KIF13A: variants seen among roughly 807,000 people sequenced by gnomAD.
KIF13A encodes kinesin family member 13A.
In KIF13A, 79 loss-of-function variants were observed where a neutral mutation model predicts 212.2. That is an observed-to-expected ratio of 0.37 (90% confidence interval 0.31 to 0.45). The LOEUF is 0.45. Ranked by LOEUF, KIF13A falls within the 20% of genes least tolerant of loss-of-function variation. The probability of loss-of-function intolerance (pLI) is 1.00; values close to 1 mark genes in which losing one functional copy is unlikely to be tolerated. For missense variants in KIF13A, 1,901 were observed against 2,209.0 expected (o/e 0.86, Z 2.79); for synonymous variants, 789 against 808.6 (o/e 0.98, Z 0.41).
At chr6:17,881,047 G>T (rs1562090906) in intron 3 of KIF13A, among the ~76,000 whole-genome samples, 1 of 152,200 alleles carries the variant, frequency 6.6e-6, no homozygotes, top group Non-Finnish European at 1.5e-5. Context: ...GGAAAAAACA[G>T]CCAAAAGCAT....
chr6:17,959,936 C>T (rs966864200), intron 2 of KIF13A, among the ~76,000 whole-genome samples: 1 of 151,762 alleles, frequency 6.6e-6, no homozygotes, highest in African/African-American at 2.4e-5. Context: ...GCAGGAGAAT[C>T]GCTTGAACCC....
chr6:17,801,341 T>A (rs1162234539), intron 20 of KIF13A, among the ~76,000 whole-genome samples: 2 of 150,960 alleles, frequency 1.3e-5, no homozygotes, highest in Admixed American at 1.3e-4. Context: ...AAAATACAAA[T>A]AATTAAAAAA....
intron 4 of KIF13A, among the ~76,000 whole-genome samples, chr6:17,858,123 A>ATGTG (rs148382700): frequency 9.4e-5 from 13 of 137,968 alleles, no homozygotes; most frequent in East Asian, 2.4e-4. Flanking sequence ...GCATGCACGC[A>ATGTG]TGTGTGTGTG....
Position 17,843,683 on chromosome 6 carries a change from T to G in KIF13A, c.830+5694A>C, listed in dbSNP as rs754674054. Among the ~76,000 whole-genome samples the G allele has an allele frequency of 2.5e-4, 38 of 152,120 alleles. No individual in the cohort carries two copies. The highest frequency in any genetic ancestry group is 4.6e-4 in the Non-Finnish European group (31 of 68,022). On this transcript the variant is annotated intron_variant, in intron 9 of 38. Transcript: ENST00000259711. This position sits in a 1 kb window ranked among gnomAD's most constrained non-coding sequence, Gnocchi z 5.3. Reference sequence around the variant, plus strand: ...TGGACTTCCTGTTAAATGAGAAAAATTAACTCACGTCATTGTCAGTGTAGC... The same window carrying G: ...TGGACTTCCTGTTAAATGAGAAAAAGTAACTCACGTCATTGTCAGTGTAGC...
Position 17,951,155 on chromosome 6 carries a change from T to C in KIF13A, c.146+35899A>G, listed in dbSNP as rs1581828545. 4.1e-6 allele frequency: 5 copies of C among 1,234,160 alleles called. No individual in the cohort carries two copies. The highest frequency in any genetic ancestry group is 1.6e-5 in the African/African-American group (1 of 64,328). The allele number at this position is 1,234,160 out of a possible 1,614,324, so 76.5% of individuals were successfully genotyped here. ...TGATGCAATTCACCTCACGCCACTT[T>C]AATTTTTTATTTTTTTGAAGACAGG... On this transcript the variant is annotated intron_variant, in intron 2 of 38. Transcript: ENST00000259711. The surrounding 1 kb of genome is among the most constrained non-coding windows in gnomAD (Gnocchi z 4.9).
At chr6:17,763,403 G>T (rs537484492), downstream of KIF13A, among the ~76,000 whole-genome samples, 1 of 149,782 alleles carries the variant, frequency 6.7e-6, no homozygotes, top group Non-Finnish European at 1.5e-5. Flanking sequence ...CAGGGAGGTG[G>T]AGGCTGCAAT....
chr6:17,856,943 T>C lies in KIF13A; in HGVS notation c.221-821A>G, dbSNP rs118152743. Reference sequence around the variant, plus strand: ...AGAAACTACTAGTTTAAGTACCTGTTTCCTCCACTGGCATGAGAGCTCCCT... The same window carrying C: ...AGAAACTACTAGTTTAAGTACCTGTCTCCTCCACTGGCATGAGAGCTCCCT... On this transcript the variant is annotated intron_variant, in intron 4 of 38. Coordinates refer to ENST00000259711, the MANE Select transcript of KIF13A (RefSeq NM_022113.6). This position sits in a 1 kb window ranked among gnomAD's most constrained non-coding sequence, Gnocchi z 4.5. Among the ~76,000 whole-genome samples, 95 of 152,292 alleles carry C rather than the reference T, an allele frequency of 6.2e-4. No individual in the cohort carries two copies. In the East Asian group the frequency reaches 0.018, roughly 29 times the overall value.
chr6:17,890,293 G>A (rs976997410), intron 3 of KIF13A, among the ~76,000 whole-genome samples: 5 of 152,038 alleles, frequency 3.3e-5, no homozygotes, highest in African/African-American at 1.2e-4. Context: ...AAAAAAAGGA[G>A]GAAGAATTCT....
chr6:17,796,849 T>C, intron 22 of KIF13A, 29 bp from the exon 23 acceptor site: 3 of 1,441,456 alleles, frequency 2.1e-6, no homozygotes, highest in Non-Finnish European at 2.8e-6. Flanking sequence ...AGCAAAAGAA[T>C]TATGCTTAAA....
At chr6:17,862,456 A>G (rs1356979505) in intron 4 of KIF13A, among the ~76,000 whole-genome samples, 2 of 152,188 alleles carry the variant, frequency 1.3e-5, no homozygotes, top group African/African-American at 4.8e-5. Flanking sequence ...TTTTTCCTTC[A>G]GATGGCTCCT....
intron 2 of KIF13A, among the ~76,000 whole-genome samples, chr6:17,965,898 G>C (rs563945351): frequency 1.3e-5 from 2 of 152,136 alleles, no homozygotes; most frequent in African/African-American, 4.8e-5. Flanking sequence ...AAATGGGGCC[G>C]GGCGTGGTGG....
rs1243324986 is a variant in KIF13A, at chr6:17,976,124, G to A, written c.146+10930C>T. Reference sequence around the variant, plus strand: ...CCTCACTAGACTCAGGAGCCCAGCTGGCTTCACCCAGTGGATCCCGCACCG... The same window carrying A: ...CCTCACTAGACTCAGGAGCCCAGCTAGCTTCACCCAGTGGATCCCGCACCG... On this transcript the variant is annotated intron_variant, in intron 2 of 38. Transcript: ENST00000259711. Among the ~76,000 whole-genome samples the A allele has an allele frequency of 5.9e-5, 9 of 152,242 alleles. No homozygotes were observed. In the East Asian group the frequency reaches 9.6e-4, roughly 16 times the overall value.
At position 17,984,523 on chromosome 6, in the gene KIF13A, T is replaced by C; in HGVS notation, c.146+2531A>G. 3 of 985,058 alleles carry C rather than the reference T, an allele frequency of 3.0e-6. No homozygotes were observed. Among genetic ancestry groups the C allele is most frequent in the Middle Eastern group, 5.3e-4 (1 of 1,902 alleles). 61.0% of individuals were successfully genotyped at this position (985,058 alleles called of 1,614,324 possible). A position where few individuals can be genotyped will look rare whatever the true frequency, so the allele number is the denominator to read the frequency against. Reference sequence around the variant, plus strand: ...CAGAGATCCTCTGATCTTTTAGTCCTAGCTACACAGTCTTGGCTTTGGTTT... The same window carrying C: ...CAGAGATCCTCTGATCTTTTAGTCCCAGCTACACAGTCTTGGCTTTGGTTT... On this transcript the variant is annotated intron_variant, in intron 2 of 38. Coordinates refer to ENST00000259711, the MANE Select transcript of KIF13A (RefSeq NM_022113.6). The surrounding 1 kb of genome is among the most constrained non-coding windows in gnomAD (Gnocchi z 5.0).
chr6:17,846,855 C>T (rs560296256), intron 9 of KIF13A, among the ~76,000 whole-genome samples: 130 of 152,284 alleles, frequency 8.5e-4, no homozygotes, highest in Non-Finnish European at 1.2e-3. Flanking sequence ...GAATGCACAG[C>T]CATCCCCACA....
intron 2 of KIF13A, 104 bp downstream of exon 2, chr6:17,986,950 C>G: frequency 1.3e-6 from 1 of 774,202 alleles, no homozygotes; most frequent in South Asian, 1.6e-5. Context: ...AACTTGAAGC[C>G]GTCCTCCTAA....
At position 17,963,451 on chromosome 6, in the gene KIF13A, T is replaced by C. The variant is rs1024251288; in HGVS notation, c.146+23603A>G. ...ATAAATAAATAAAAATAGAAGAGCATCATGTGAAGTAACATGGATAGATAA... is the reference window on the plus strand; with the variant it reads ...ATAAATAAATAAAAATAGAAGAGCACCATGTGAAGTAACATGGATAGATAA... On this transcript the variant is annotated intron_variant, in intron 2 of 38. Transcript: ENST00000259711. The surrounding 1 kb of genome is among the most constrained non-coding windows in gnomAD (Gnocchi z 4.1). Among the ~76,000 whole-genome samples the C allele has an allele frequency of 4.6e-5, 7 of 152,094 alleles. No homozygotes were observed. The highest frequency in any genetic ancestry group is 1.7e-4 in the African/African-American group (7 of 41,420).
rs1761132764 is a variant in KIF13A, at chr6:17,787,253, A to C, written c.3361+523T>G. 6.6e-6 allele frequency among the ~76,000 whole-genome samples: 1 copy of C among 152,214 alleles called. No individual in the cohort carries two copies. Among genetic ancestry groups the C allele is most frequent in the African/African-American group, 2.4e-5 (1 of 41,468 alleles). ...TGACATTTAATGTCACAGTTTTATG[A>C]GATAATTCTGAGTTTTATGAAAACT... On this transcript the variant is annotated intron_variant, in intron 27 of 38. Transcript: ENST00000259711. This position sits in a 1 kb window ranked among gnomAD's most constrained non-coding sequence, Gnocchi z 4.6.
chr6:17,956,889 ATT>A (rs56165328), intron 2 of KIF13A, among the ~76,000 whole-genome samples: 1 of 149,400 alleles, frequency 6.7e-6, no homozygotes, highest in African/African-American at 2.5e-5. Flanking sequence ...GTTCAATCAC[ATT>A]TTTTTTTTTA....
intron 16 of KIF13A, among the ~76,000 whole-genome samples, chr6:17,822,196 T>G (rs561675073): frequency 1.3e-5 from 2 of 152,138 alleles, no homozygotes; most frequent in African/African-American, 4.8e-5. Flanking sequence ...CACGCATCAC[T>G]ACACCTGGCT....
Sources: gnomAD v4.1 joint callset for allele counts (sites outside exome capture counted in the v4.1 genomes callset) on GRCh38, gnomAD v4.1.1 for gene constraint, Gnocchi (gnomAD v3.1) non-coding constraint, MANE v1.5 for transcripts, NCBI Gene and HGNC (gene_info 2026-07-23, HGNC 2026-07-21) for gene names.